BCAS1: variants seen among roughly 807,000 people sequenced by gnomAD.
BCAS1 encodes breast carcinoma-amplified sequence 1.
A neutral mutation model predicts 65.4 loss-of-function variants in BCAS1; 46 were observed. The observed-to-expected ratio is 0.70, with a 90% CI of 0.55 to 0.90. The LOEUF (loss-of-function observed/expected upper bound fraction) is 0.90. Among genes scored for constraint, BCAS1 ranks in the 40% least tolerant of loss-of-function variants. The pLI, the probability that BCAS1 is intolerant of heterozygous loss-of-function variation, is 0.00. For synonymous variants in BCAS1, 298 were observed against 293.5 expected, an observed-to-expected ratio of 1.02 and a Z score of -0.16; for missense variants, 793 against 771.2, an observed-to-expected ratio of 1.03 and a Z score of -0.33.
chr20:53,969,693 A>C (rs1413614315), intron 9 of BCAS1, among the ~76,000 whole-genome samples: 1 of 152,164 alleles, frequency 6.6e-6, no homozygotes, highest in Non-Finnish European at 1.5e-5. Context: ...TGGCTCCACT[A>C]TTCTTGGCAT....
chr20:53,981,813 T>C (rs936227823), intron 8 of BCAS1, among the ~76,000 whole-genome samples: 3 of 109,016 alleles, frequency 2.8e-5, no homozygotes, highest in Non-Finnish European at 5.8e-5. Flanking sequence ...TACAAATACA[T>C]GTGCGTGCGT....
intron 3 of BCAS1, among the ~76,000 whole-genome samples, chr20:54,053,115 T>C (rs2146293028): frequency 6.6e-6 from 1 of 152,346 alleles, no homozygotes; most frequent in Admixed American, 6.5e-5. Context: ...GTATGTTGTT[T>C]TAACATCATT....
In BCAS1 at chr20:53,992,543, C is replaced by A; in HGVS notation, c.1031G>T (p.Gly344Val). ...CCTAAAGAATTTTCTAAAGGCGAGT[C>A]CTAGCCTGGGGCTATCCAGGTGCTT... is the stretch of plus-strand genomic sequence containing the variant. Reference protein sequence around the residue: ...KKKHLDSPRLGLAFRKFFRHK... With the variant: ...KKKHLDSPRLVLAFRKFFRHK... Residue 344 changes from glycine to valine, a missense_variant, in exon 7 of 13, where the codon GGA becomes GTA. Coordinates refer to ENST00000688948, the MANE Select transcript of BCAS1 (RefSeq NM_001366298.2). 7.3e-7 allele frequency: 1 copy of A among 1,365,138 alleles called. No individual in the cohort carries two copies. The highest frequency in any genetic ancestry group is 9.8e-7 in the Non-Finnish European group (1 of 1,021,622). 84.6% of individuals were successfully genotyped at this position (1,365,138 alleles called of 1,614,324 possible). A position where few individuals can be genotyped will look rare whatever the true frequency, so the allele number is the denominator to read the frequency against.
At chr20:53,980,176 C>T (rs1043099591) in intron 8 of BCAS1, among the ~76,000 whole-genome samples, 6 of 152,002 alleles carry the variant, frequency 3.9e-5, no homozygotes, top group African/African-American at 1.2e-4. Context: ...CCCATTGTGC[C>T]GTTATTTTGA....
intron 12 of BCAS1, among the ~76,000 whole-genome samples, chr20:53,951,934 G>A (rs1190662885): frequency 6.6e-6 from 1 of 152,100 alleles, no homozygotes; most frequent in Admixed American, 6.6e-5. Flanking sequence ...TGCTTTAGAT[G>A]GAATGCTTAA....
chr20:53,949,460 T>C (rs1299753255), intron 12 of BCAS1, among the ~76,000 whole-genome samples: 3 of 152,168 alleles, frequency 2.0e-5, no homozygotes, highest in Middle Eastern at 3.2e-3. Context: ...CATGCAGGGA[T>C]CGGCCTGCGG....
At chr20:54,013,942 A>G (rs2145977223) in intron 4 of BCAS1, among the ~76,000 whole-genome samples, 1 of 152,394 alleles carries the variant, frequency 6.6e-6, no homozygotes, top group East Asian at 1.9e-4. Context: ...AACAGCAATT[A>G]TCTACTGGGT....
intron 1 of BCAS1, among the ~76,000 whole-genome samples, chr20:54,066,224 C>T (rs1427669439): frequency 6.6e-6 from 1 of 152,166 alleles, no homozygotes; most frequent in Non-Finnish European, 1.5e-5. Context: ...AGGCGCCTGC[C>T]ACCACGCCCG....
chr20:53,954,166 G>T (rs556047132), intron 11 of BCAS1, among the ~76,000 whole-genome samples: 1 of 152,304 alleles, frequency 6.6e-6, no homozygotes, highest in African/African-American at 2.4e-5. Context: ...TGAGAGAGAG[G>T]CTGGTTCCCT....
intron 4 of BCAS1, among the ~76,000 whole-genome samples, chr20:54,014,813 A>G (rs2091398918): frequency 2.0e-5 from 3 of 152,312 alleles, no homozygotes; most frequent in Middle Eastern, 3.4e-3. Context: ...GCTGGACAAC[A>G]ATAGTCTCTG....
At chr20:53,951,908 G>A (rs1194571657) in intron 12 of BCAS1, among the ~76,000 whole-genome samples, 1 of 152,196 alleles carries the variant, frequency 6.6e-6, no homozygotes, top group Admixed American at 6.5e-5. Context: ...GGAGAGAGAA[G>A]CTATGAGTGT....
At chr20:54,024,217 A>G (rs573230319) in intron 4 of BCAS1, among the ~76,000 whole-genome samples, 1 of 152,336 alleles carries the variant, frequency 6.6e-6, no homozygotes, top group East Asian at 1.9e-4. Context: ...TATGATGCTT[A>G]TGTTTAATTC....
chr20:54,047,697 G>A (rs2092134658), intron 3 of BCAS1, among the ~76,000 whole-genome samples: 1 of 145,444 alleles, frequency 6.9e-6, no homozygotes, highest in African/African-American at 2.5e-5. Context: ...GAGTTGTCCA[G>A]GTTCTTGGTG....
chr20:53,980,265 G>T (rs1055631978), intron 8 of BCAS1, among the ~76,000 whole-genome samples: 4 of 152,116 alleles, frequency 2.6e-5, no homozygotes, highest in African/African-American at 9.7e-5. Context: ...TTTTAACTTG[G>T]TCGTTGTCCA....
intron 10 of BCAS1, among the ~76,000 whole-genome samples, chr20:53,958,975 GTTAGA>G (rs943549264): frequency 1.8e-4 from 28 of 152,290 alleles, no homozygotes; most frequent in African/African-American, 6.5e-4. Context: ...GTTGCTGAAT[GTTAGA>G]TTAAACAAAA....
At chr20:53,956,556 C>A (rs1758519253) in intron 11 of BCAS1, among the ~76,000 whole-genome samples, 1 of 152,094 alleles carries the variant, frequency 6.6e-6, no homozygotes, top group African/African-American at 2.4e-5. Context: ...TGTATTGATT[C>A]ATCTAAGTAT....
chr20:54,063,211 G>A (rs1454151226), intron 1 of BCAS1, among the ~76,000 whole-genome samples: 1 of 152,194 alleles, frequency 6.6e-6, no homozygotes, highest in Non-Finnish European at 1.5e-5. Flanking sequence ...AGGAATGTGG[G>A]CTCTGGAGTT....
At chr20:53,955,590 A>G (rs2089674205) in intron 11 of BCAS1, among the ~76,000 whole-genome samples, 1 of 152,164 alleles carries the variant, frequency 6.6e-6, no homozygotes, top group South Asian at 2.1e-4. Context: ...ATTCCACCAT[A>G]ACCTTGCTGT....
At chr20:53,981,256 C>T (rs2090470330) in intron 8 of BCAS1, among the ~76,000 whole-genome samples, 1 of 152,192 alleles carries the variant, frequency 6.6e-6, no homozygotes, top group African/African-American at 2.4e-5. Flanking sequence ...CCAGATTGGT[C>T]AGCCCATCTT....
Sources: allele counts gnomAD v4.1 joint callset (sites outside exome capture counted in the v4.1 genomes callset), GRCh38; gene constraint gnomAD v4.1.1; transcripts MANE v1.5; gene names NCBI Gene and HGNC (gene_info 2026-07-23, HGNC 2026-07-21).